The following RALGPS2 variants were observed in gnomAD, a reference collection of about 807,000 sequenced individuals.
The protein encoded by RALGPS2 is Ral GEF with PH domain and SH3 binding motif 2, also known as ras-specific guanine nucleotide-releasing factor RalGPS2.
Under a neutral mutation model 86.8 loss-of-function variants are expected in RALGPS2, and 43 were observed. That is an observed-to-expected ratio of 0.50 (90% CI 0.39 to 0.64). The LOEUF (loss-of-function observed/expected upper bound fraction) is 0.64, where lower values mean the gene tolerates loss of function less well. Ranked by LOEUF, RALGPS2 falls within the 30% of genes least tolerant of loss-of-function variation. The pLI, the probability that RALGPS2 is intolerant of heterozygous loss-of-function variation, is 0.00. For synonymous variants in RALGPS2, 243 were observed against 231.3 expected (o/e 1.05, Z -0.46); for missense variants, 536 against 694.6 (o/e 0.77, Z 2.57).
At chr1:178,865,345 C>G in intron 8 of RALGPS2, 1 of 1,614,040 alleles carries the variant, frequency 6.2e-7, no homozygotes, top group Admixed American at 1.7e-5. Context: ...AATTATCCCT[C>G]TTACGGATAA....
rs761012603 is a variant in RALGPS2, at chr1:178,796,108, A to G, written c.213+10501A>G. 2.4e-4 allele frequency among the ~76,000 whole-genome samples: 36 copies of G among 152,224 alleles called. 2 individuals are homozygous for G. The highest frequency in any genetic ancestry group is 1.5e-3 in the South Asian group (7 of 4,822). ...ATAATAAGATAAGGCTTAGATTAGG[A>G]TTAAGGAAGGTAGAGAAGAAAAGTG... On this transcript the variant is annotated intron_variant, in intron 4 of 19. Transcript: ENST00000367635.
intron 14 of RALGPS2, among the ~76,000 whole-genome samples, chr1:178,891,030 A>C (rs747112850): frequency 6.6e-6 from 1 of 151,990 alleles, no homozygotes; most frequent in Non-Finnish European, 1.5e-5. Context: ...GATTAACCAA[A>C]TTGTTTTTTA....
intron 1 of RALGPS2, among the ~76,000 whole-genome samples, chr1:178,734,412 G>C (rs1437813312): frequency 1.3e-5 from 2 of 152,170 alleles, no homozygotes; most frequent in South Asian, 4.1e-4. Flanking sequence ...GGGGTAAGGG[G>C]GTGGTAGCTA....
chr1:178,740,090 CTT>C (rs2102019850), intron 1 of RALGPS2, among the ~76,000 whole-genome samples: 1 of 152,300 alleles, frequency 6.6e-6, no homozygotes, highest in African/African-American at 2.4e-5. Context: ...TATTTCATGT[CTT>C]GTGTGATGCT....
At chr1:178,755,903 G>A (rs1651936218) in intron 1 of RALGPS2, among the ~76,000 whole-genome samples, 1 of 152,078 alleles carries the variant, frequency 6.6e-6, no homozygotes, top group African/African-American at 2.4e-5. Flanking sequence ...GATGATATCT[G>A]ATTGTGGTTT....
chr1:178,771,685 A>G (rs1432459748), intron 1 of RALGPS2, among the ~76,000 whole-genome samples: 2 of 152,146 alleles, frequency 1.3e-5, no homozygotes, highest in Admixed American at 6.5e-5. Context: ...CAGGTAAGCT[A>G]AAGTTAGGGA....
intron 3 of RALGPS2, among the ~76,000 whole-genome samples, chr1:178,785,102 G>A (rs1379972780): frequency 2.0e-5 from 3 of 151,852 alleles, no homozygotes; most frequent in Admixed American, 6.6e-5. Flanking sequence ...GCCATAAGTG[G>A]GATAGGTCCA....
At chr1:178,802,792 C>G (rs1439108632) in intron 4 of RALGPS2, among the ~76,000 whole-genome samples, 2 of 152,044 alleles carry the variant, frequency 1.3e-5, no homozygotes, top group East Asian at 1.9e-4. Context: ...TAAATGTTAA[C>G]TTTTTTAAAT....
chr1:178,792,776 T>TA (rs1654016886), intron 4 of RALGPS2, among the ~76,000 whole-genome samples: 2 of 152,204 alleles, frequency 1.3e-5, no homozygotes, highest in South Asian at 4.1e-4. Context: ...TCTTGATATG[T>TA]AGTCTCTTAG....
intron 1 of RALGPS2, among the ~76,000 whole-genome samples, chr1:178,734,558 A>G (rs768295293): frequency 3.9e-5 from 6 of 152,238 alleles, no homozygotes; most frequent in Non-Finnish European, 7.3e-5. Flanking sequence ...TGTGAATTAT[A>G]TCTCAGTAAA....
intron 2 of RALGPS2, among the ~76,000 whole-genome samples, chr1:178,780,242 T>G (rs1401798765): frequency 6.6e-6 from 1 of 152,206 alleles, no homozygotes; most frequent in Non-Finnish European, 1.5e-5. Flanking sequence ...TACCAAGAGA[T>G]AGAGATCTTT....
chr1:178,811,954 C>T, intron 6 of RALGPS2, among the ~76,000 whole-genome samples: 1 of 152,082 alleles, frequency 6.6e-6, no homozygotes, highest in East Asian at 1.9e-4. Context: ...ACAAAGGATA[C>T]CAAGATTTTA....
At chr1:178,806,744 G>A (rs1051702047) in intron 4 of RALGPS2, among the ~76,000 whole-genome samples, 1 of 151,634 alleles carries the variant, frequency 6.6e-6, no homozygotes. Context: ...TTTTTTCTCA[G>A]TTTTCTTCGC....
rs146103703 is a variant in RALGPS2 at position 178,847,801 on chromosome 1, G to A, written c.607+14251G>A. On this transcript the variant is annotated intron_variant, in intron 8 of 19. Coordinates refer to ENST00000367635, the MANE Select transcript of RALGPS2 (RefSeq NM_152663.5). ...GTCATGACTCAGAGTTAAGTAAACA[G>A]TAGAATGAAAATTGATCTTTATTCT... Among the ~76,000 whole-genome samples the A allele has an allele frequency of 1.6e-4, 24 of 152,338 alleles. No individual in the cohort carries two copies. The East Asian group carries it at 4.4e-3, about 28-fold the overall frequency.
chr1:178,904,490 G>T (rs991192035), intron 18 of RALGPS2, among the ~76,000 whole-genome samples: 1 of 152,138 alleles, frequency 6.6e-6, no homozygotes, highest in Non-Finnish European at 1.5e-5. Context: ...TCAGGTCTTA[G>T]ATTTAAGTCC....
intron 8 of RALGPS2, among the ~76,000 whole-genome samples, chr1:178,867,852 C>T (rs1189898200): frequency 1.3e-5 from 2 of 151,822 alleles, no homozygotes; most frequent in Admixed American, 6.6e-5. Flanking sequence ...TGAAATATAA[C>T]TCTTATGCTG....
intron 8 of RALGPS2, among the ~76,000 whole-genome samples, chr1:178,847,942 A>G (rs1266046629): frequency 6.6e-6 from 1 of 152,200 alleles, no homozygotes; most frequent in Non-Finnish European, 1.5e-5. Flanking sequence ...TCAGGAGGTC[A>G]GGTGTTCTAG....
At chr1:178,826,126 C>T (rs531141518) in intron 7 of RALGPS2, among the ~76,000 whole-genome samples, 3 of 151,772 alleles carry the variant, frequency 2.0e-5, no homozygotes, top group Admixed American at 6.6e-5. Context: ...TTGTTTTAAC[C>T]GATAAAGGGA....
intron 18 of RALGPS2, among the ~76,000 whole-genome samples, chr1:178,904,202 T>C (rs1660298210): frequency 6.6e-6 from 1 of 152,054 alleles, no homozygotes; most frequent in East Asian, 1.9e-4. Flanking sequence ...ATGGGATTGG[T>C]TTTTTTCTTA....
Sources: allele counts gnomAD v4.1 joint callset (sites outside exome capture counted in the v4.1 genomes callset), GRCh38; gene constraint gnomAD v4.1.1; transcripts MANE v1.5; gene names NCBI Gene and HGNC (gene_info 2026-07-23, HGNC 2026-07-21).